Variants in WDR41 observed in about 807,000 individuals in gnomAD.
WDR41 encodes WD repeat domain 41, also known as WD repeat-containing protein 41.
In WDR41, 63 loss-of-function variants were observed where a neutral mutation model predicts 69.3. The ratio of observed to expected loss-of-function variants is 0.91; its 90% confidence interval spans 0.74 to 1.12. The LOEUF (loss-of-function observed/expected upper bound fraction) is 1.12. Among genes scored for constraint, WDR41 ranks in the 50% most tolerant of loss-of-function variants. The pLI, the probability that WDR41 is intolerant of heterozygous loss-of-function variation, is 0.00. For missense variants in WDR41, 543 were observed against 534.5 expected, an observed-to-expected ratio of 1.02 and a Z score of -0.16; for synonymous variants, 185 against 192.1, an observed-to-expected ratio of 0.96 and a Z score of 0.31.
chr5:77,505,138 C>T (rs1802086199), intron 1 of WDR41, among the ~76,000 whole-genome samples: 3 of 152,190 alleles, frequency 2.0e-5, no homozygotes, highest in Non-Finnish European at 4.4e-5. Context: ...ATCGTCTCCA[C>T]CCAAAATCTC....
chr5:77,471,641 A>T (rs1800617602), intron 2 of WDR41, among the ~76,000 whole-genome samples: 1 of 152,210 alleles, frequency 6.6e-6, no homozygotes, highest in African/African-American at 2.4e-5. Context: ...AGAGAATACT[A>T]AAAACACCTC....
chr5:77,479,658 A>C (rs1177471559), intron 2 of WDR41, among the ~76,000 whole-genome samples: 2 of 152,212 alleles, frequency 1.3e-5, no homozygotes, highest in African/African-American at 2.4e-5. Flanking sequence ...CTTACACCTT[A>C]TACAAAAATC....
At chr5:77,464,672 A>T in intron 3 of WDR41, 89 bp downstream of exon 3, 1 of 1,344,784 alleles carries the variant, frequency 7.4e-7, no homozygotes, top group Non-Finnish European at 1.1e-6. Context: ...GTGATATGTA[A>T]ATGTATCCCC....
intron 2 of WDR41, among the ~76,000 whole-genome samples, chr5:77,487,540 A>C (rs1240297853): frequency 6.6e-6 from 1 of 152,252 alleles, no homozygotes; most frequent in Non-Finnish European, 1.5e-5. Context: ...CTTTTCAAGC[A>C]AAAGTTAAGA....
chr5:77,608,294 A>C (rs988354892), intron 1 of WDR41, among the ~76,000 whole-genome samples: 2 of 152,166 alleles, frequency 1.3e-5, no homozygotes, highest in African/African-American at 4.8e-5. Context: ...TAAAATGTTG[A>C]TAGGGAATTG....
chr5:77,491,612 A>T (rs2112129545), intron 1 of WDR41, among the ~76,000 whole-genome samples: 1 of 152,336 alleles, frequency 6.6e-6, no homozygotes, highest in African/African-American at 2.4e-5. Flanking sequence ...AACAGCAGTT[A>T]ATTAGAAAAT....
chr5:77,527,428 T>C (rs919823189), intron 1 of WDR41, among the ~76,000 whole-genome samples: 2 of 151,662 alleles, frequency 1.3e-5, no homozygotes, highest in Non-Finnish European at 3.0e-5. Flanking sequence ...AAGAACCCAA[T>C]TCATACAAAA....
In WDR41 at chr5:77,503,883, A is replaced by T. The variant is rs536230779; in HGVS notation, c.43-14311T>A. ...CTGGGACACACTTAAAGCAGTGTGT[A>T]GAGGGAAATTTATAGCACTAAATGC... On this transcript the variant is annotated intron_variant, in intron 1 of 5. Transcript: ENST00000509971. Among the ~76,000 whole-genome samples the T allele has an allele frequency of 1.4e-4, 21 of 152,336 alleles. 1 individual carries two copies. Among genetic ancestry groups the T allele is most frequent in the African/African-American group, 4.8e-4 (20 of 41,580 alleles).
chr5:77,612,856 C>A (rs1157577333), intron 1 of WDR41, among the ~76,000 whole-genome samples: 1 of 151,600 alleles, frequency 6.6e-6, no homozygotes, highest in African/African-American at 2.4e-5. Context: ...GTCAAATTGT[C>A]CCTGTTTGCA....
At chr5:77,613,572 T>TG (rs1203578175) in intron 1 of WDR41, among the ~76,000 whole-genome samples, 1 of 152,136 alleles carries the variant, frequency 6.6e-6, no homozygotes, top group Non-Finnish European at 1.5e-5. Context: ...TAAATGGTGC[T>TG]GGGAAAACTG....
In WDR41 at chr5:77,579,594, G is replaced by A. The variant is rs1197226107; in HGVS notation, c.42+40885C>T. On this transcript the variant is annotated intron_variant, in intron 1 of 5. Transcript: ENST00000509971. ...ACAGCAAAAGCTATCTTTCAAAAAA[G>A]AAGTTATAATAATGACTTTTCCAGA... 2.0e-5 allele frequency among the ~76,000 whole-genome samples: 3 copies of A among 152,230 alleles called. No individual in the cohort carries two copies. The South Asian group carries it at 6.2e-4, about 32-fold the overall frequency.
At chr5:77,514,312 G>T (rs1037113445) in intron 1 of WDR41, among the ~76,000 whole-genome samples, 1 of 152,034 alleles carries the variant, frequency 6.6e-6, no homozygotes, top group Admixed American at 6.6e-5. Context: ...AATGTACAGC[G>T]TTCATATCTA....
At chr5:77,522,785 A>G (rs1024448697) in intron 1 of WDR41, among the ~76,000 whole-genome samples, 1 of 152,156 alleles carries the variant, frequency 6.6e-6, no homozygotes, top group Non-Finnish European at 1.5e-5. Flanking sequence ...AAGAGTAGGG[A>G]GTATGAGGTG....
At chr5:77,542,380 T>A (rs949617338) in intron 1 of WDR41, among the ~76,000 whole-genome samples, 2 of 152,160 alleles carry the variant, frequency 1.3e-5, no homozygotes, top group African/African-American at 4.8e-5. Flanking sequence ...CCATGGCACA[T>A]GTTTACCTGT....
At chr5:77,555,982 T>A (rs1180075942) in intron 1 of WDR41, among the ~76,000 whole-genome samples, 1 of 151,556 alleles carries the variant, frequency 6.6e-6, no homozygotes, top group African/African-American at 2.4e-5. Flanking sequence ...CTGGAGCAAT[T>A]AACACAGTGG....
intron 2 of WDR41, among the ~76,000 whole-genome samples, chr5:77,474,664 A>G (rs1239946032): frequency 1.3e-5 from 2 of 151,792 alleles, no homozygotes; most frequent in Admixed American, 1.3e-4. Flanking sequence ...TCTAACATCT[A>G]AAAGTCTAAG....
rs191671777 is a variant in WDR41 at position 77,542,276 on chromosome 5, G to T, written c.43-52704C>A. ...CAACACGCACGGGGGCCTACTGGAG[G>T]GTAAAGGGTGGGAGGAGGGAGAGCA... On this transcript the variant is annotated intron_variant, in intron 1 of 5. Coordinates refer to the WDR41 transcript ENST00000509971. Among the ~76,000 whole-genome samples, 19 of 152,240 alleles carry T rather than the reference G, an allele frequency of 1.2e-4. No individual in the cohort carries two copies. In the East Asian group the frequency reaches 3.3e-3, roughly 26 times the overall value.
chr5:77,528,103 G>A (rs548345352), intron 1 of WDR41, among the ~76,000 whole-genome samples: 5 of 151,476 alleles, frequency 3.3e-5, no homozygotes, highest in African/African-American at 1.2e-4. Context: ...TTACAACAGA[G>A]GTTCAATAAA....
chr5:77,479,284 G>C lies in WDR41; in HGVS notation c.167+10173C>G, dbSNP rs967999740. ...ATAGATTCAGTGCCATCCCCATCAA[G>C]CTACCAATGACTTTCTTCACAGAAT... On this transcript the variant is annotated intron_variant, in intron 2 of 12. Transcript: ENST00000296679. 2.8e-3 allele frequency among the ~76,000 whole-genome samples: 428 copies of C among 151,890 alleles called. 6 individuals are homozygous for C. The highest frequency in any genetic ancestry group is 0.01 in the African/African-American group (417 of 41,260).
Sources: gnomAD v4.1 joint callset for allele counts (sites outside exome capture counted in the v4.1 genomes callset) on GRCh38, gnomAD v4.1.1 for gene constraint, MANE v1.5 for transcripts, NCBI Gene and HGNC (gene_info 2026-07-23, HGNC 2026-07-21) for gene names.